CAMTA1: variants seen among roughly 807,000 people sequenced by gnomAD.
CAMTA1 encodes the protein calmodulin binding transcription activator 1, also known as calmodulin-binding transcription activator 1.
In CAMTA1, 27 loss-of-function variants were observed where a neutral mutation model predicts 170.9. The ratio of observed to expected loss-of-function variants is 0.16; its 90% confidence interval spans 0.12 to 0.22. The LOEUF (loss-of-function observed/expected upper bound fraction) is 0.22. Among genes scored for constraint, CAMTA1 ranks in the 10% least tolerant of loss-of-function variants. The pLI is 1.00. For missense variants in CAMTA1, 1,619 were observed against 2,217.2 expected (o/e 0.73, Z 5.42); for synonymous variants, 833 against 891.5 (o/e 0.93, Z 1.17).
rs1674532037 is a variant in CAMTA1 at position 6,891,730 on chromosome 1, A to G, written c.234+66520A>G. On this transcript the variant is annotated intron_variant, in intron 3 of 22. Transcript: ENST00000303635. The stretch of plus-strand genomic sequence containing the variant: ...GGAAAGAAGCTTATTGGACTTCCCA[A>G]TAGAAAGTCCACCAGCCAATTTTAA... Among the ~76,000 whole-genome samples, 5 of 152,224 alleles carry G rather than the reference A, an allele frequency of 3.3e-5. No homozygotes were observed. In the South Asian group the frequency reaches 6.2e-4, roughly 19 times the overall value.
chr1:7,166,354 C>T (rs980213023), intron 4 of CAMTA1, among the ~76,000 whole-genome samples: 6 of 152,232 alleles, frequency 3.9e-5, no homozygotes, highest in African/African-American at 1.2e-4. Context: ...GCGTGAGCCA[C>T]CGCGTCCGGC....
At chr1:6,878,456 A>G (rs1449823416) in intron 3 of CAMTA1, among the ~76,000 whole-genome samples, 1 of 152,242 alleles carries the variant, frequency 6.6e-6, no homozygotes, top group Non-Finnish European at 1.5e-5. Context: ...TTAGAGGGCT[A>G]TCATTCTGAT....
At chr1:6,811,652 A>G (rs1219454912) in intron 1 of CAMTA1, among the ~76,000 whole-genome samples, 1 of 152,232 alleles carries the variant, frequency 6.6e-6, no homozygotes, top group Non-Finnish European at 1.5e-5. Flanking sequence ...ATAGTAATCA[A>G]GCTACGAATG....
At chr1:7,017,470 A>C (rs776822942) in intron 3 of CAMTA1, among the ~76,000 whole-genome samples, 5 of 152,210 alleles carry the variant, frequency 3.3e-5, no homozygotes, top group Non-Finnish European at 7.3e-5. Context: ...GCTTGTGACC[A>C]CAGAGGTTCA....
At chr1:6,897,812 G>T (rs1675979993) in intron 3 of CAMTA1, among the ~76,000 whole-genome samples, 1 of 152,188 alleles carries the variant, frequency 6.6e-6, no homozygotes, top group Non-Finnish European at 1.5e-5. Flanking sequence ...TTGAATGTTA[G>T]TAAGGGAAAA....
rs371193941 is a variant in CAMTA1, at chr1:7,406,627, C to G, written c.439-61203C>G. 9.9e-5 allele frequency among the ~76,000 whole-genome samples: 15 copies of G among 152,172 alleles called. No homozygotes were observed. In the East Asian group the frequency reaches 2.3e-3, roughly 24 times the overall value. On this transcript the variant is annotated intron_variant, in intron 5 of 22. Coordinates refer to ENST00000303635, the MANE Select transcript of CAMTA1 (RefSeq NM_015215.4). ...GGATGTACACACACACACATGCATG[C>G]AGACACACACGAGCACACACACGCA... is the stretch of plus-strand genomic sequence containing the variant.
At chr1:7,385,531 G>A (rs959771922) in intron 5 of CAMTA1, among the ~76,000 whole-genome samples, 1 of 152,154 alleles carries the variant, frequency 6.6e-6, no homozygotes, top group African/African-American at 2.4e-5. Context: ...TTGAAGTGAT[G>A]GGAGCCAGAC....
chr1:7,645,899 C>T (rs754792454), intron 7 of CAMTA1, among the ~76,000 whole-genome samples: 2 of 152,268 alleles, frequency 1.3e-5, no homozygotes, highest in Non-Finnish European at 2.9e-5. Context: ...AGCACCTCCA[C>T]CCCCACACTT....
At chr1:7,030,401 C>T (rs1462293733) in intron 3 of CAMTA1, among the ~76,000 whole-genome samples, 1 of 152,158 alleles carries the variant, frequency 6.6e-6, no homozygotes, top group Non-Finnish European at 1.5e-5. Flanking sequence ...TATACAATAA[C>T]CCCCACCCCA....
intron 4 of CAMTA1, among the ~76,000 whole-genome samples, chr1:7,161,439 A>G (rs1433784623): frequency 2.0e-5 from 3 of 152,298 alleles, no homozygotes; most frequent in African/African-American, 7.2e-5. Flanking sequence ...CCCAAATCTC[A>G]TCTTGAATTG....
At chr1:7,408,465 C>T (rs1199496909) in intron 5 of CAMTA1, among the ~76,000 whole-genome samples, 2 of 152,222 alleles carry the variant, frequency 1.3e-5, no homozygotes, top group Non-Finnish European at 2.9e-5. Context: ...CTTGGCCAGG[C>T]CTCTGCTGAC....
intron 4 of CAMTA1, among the ~76,000 whole-genome samples, chr1:7,170,093 A>G (rs956697949): frequency 6.6e-6 from 1 of 151,790 alleles, no homozygotes; most frequent in African/African-American, 2.4e-5. Flanking sequence ...CCTTCTTCTA[A>G]TTTCTTAAGC....
chr1:7,214,324 C>T (rs1202221871), intron 4 of CAMTA1, among the ~76,000 whole-genome samples: 5 of 152,210 alleles, frequency 3.3e-5, no homozygotes, highest in African/African-American at 1.2e-4. Flanking sequence ...GATGGTATCT[C>T]ATTGTGGTTT....
Position 7,011,244 on chromosome 1 carries a change from G to A in CAMTA1, c.235-80060G>A, listed in dbSNP as rs186622677. ...TTTGAGACAGAGTCTCGCTCTTTTC[G>A]CCGAGACTGGAGGGCAATGCTGTGA... On this transcript the variant is annotated intron_variant, in intron 3 of 22. Coordinates refer to ENST00000303635, the MANE Select transcript of CAMTA1 (RefSeq NM_015215.4). Among the ~76,000 whole-genome samples the A allele has an allele frequency of 3.1e-4, 47 of 152,160 alleles. 1 individual carries two copies. Among genetic ancestry groups the A allele is most frequent in the Middle Eastern group, 3.4e-3 (1 of 294 alleles).
intron 3 of CAMTA1, among the ~76,000 whole-genome samples, chr1:6,926,134 C>T (rs1683035034): frequency 6.6e-6 from 1 of 152,218 alleles, no homozygotes; most frequent in Non-Finnish European, 1.5e-5. Flanking sequence ...TTACTCAAAG[C>T]CACTTGCTCA....
At chr1:7,131,020 C>T (rs1243721606) in intron 4 of CAMTA1, among the ~76,000 whole-genome samples, 1 of 151,494 alleles carries the variant, frequency 6.6e-6, no homozygotes, top group African/African-American at 2.4e-5. Flanking sequence ...GTGGCACGAT[C>T]TCGGCTCACT....
intron 4 of CAMTA1, among the ~76,000 whole-genome samples, chr1:7,149,046 G>C (rs1032364260): frequency 6.6e-6 from 1 of 151,088 alleles, no homozygotes; most frequent in Non-Finnish European, 1.5e-5. Context: ...CGGGGGCCTG[G>C]TGTTTCCACA....
chr1:6,944,553 G>T (rs113607154), intron 3 of CAMTA1, among the ~76,000 whole-genome samples: 1,653 of 152,190 alleles, frequency 0.011, 16 homozygotes, highest in Non-Finnish European at 0.016. Context: ...TGTCCCCTCT[G>T]CCTGGACACC....
rs571103070 is a variant in CAMTA1, at chr1:7,044,807, C to T, written c.235-46497C>T. On this transcript the variant is annotated intron_variant, in intron 3 of 22. Transcript: ENST00000303635. The surrounding 1 kb of genome is among the most constrained non-coding windows in gnomAD (Gnocchi z 5.0). ...TCTTTCCCCCTCACGTCCTCTCCCC[C>T]ACTCCCTCCTCTTCCCGCCTGTGGT... Among the ~76,000 whole-genome samples, 5 of 151,300 alleles carry T rather than the reference C, an allele frequency of 3.3e-5. No homozygotes were observed. In the East Asian group the frequency reaches 5.9e-4, roughly 18 times the overall value.
Sources: allele counts gnomAD v4.1 joint callset (sites outside exome capture counted in the v4.1 genomes callset), GRCh38; gene constraint gnomAD v4.1.1; non-coding constraint Gnocchi (gnomAD v3.1); transcripts MANE v1.5; gene names NCBI Gene and HGNC (gene_info 2026-07-23, HGNC 2026-07-21).